The following TLN2 variants were observed in gnomAD, a reference collection of about 807,000 sequenced individuals.
TLN2 encodes talin 2.
A neutral mutation model predicts 294.7 loss-of-function variants in TLN2; 118 were observed. That is an observed-to-expected ratio of 0.40 (90% CI 0.34 to 0.47). The LOEUF (loss-of-function observed/expected upper bound fraction) is 0.47. Among genes scored for constraint, TLN2 ranks in the 20% least tolerant of loss-of-function variants. The pLI is 0.84. For synonymous variants in TLN2, 1,431 were observed against 1,304.5 expected, an observed-to-expected ratio of 1.10 and a Z score of -2.09; for missense variants, 3,083 against 3,282.2, an observed-to-expected ratio of 0.94 and a Z score of 1.48.
chr15:62,545,736 T>C (rs2041961451), intron 1 of TLN2, among the ~76,000 whole-genome samples: 1 of 152,152 alleles, frequency 6.6e-6, no homozygotes, highest in African/African-American at 2.4e-5. Flanking sequence ...TTTGGTAATC[T>C]CAGAACTCAG....
chr15:62,661,162 G>A (rs944567682), intron 9 of TLN2, among the ~76,000 whole-genome samples: 1 of 152,110 alleles, frequency 6.6e-6, no homozygotes, highest in African/African-American at 2.4e-5. Flanking sequence ...CAGAGTAAAA[G>A]CCTTCTATAT....
In TLN2 at chr15:62,575,458, A is replaced by G. The variant is rs185363250; in HGVS notation, c.-237-14229A>G. Among the ~76,000 whole-genome samples, 5 of 152,358 alleles carry G rather than the reference A, an allele frequency of 3.3e-5. No individual in the cohort carries two copies. The South Asian group carries it at 6.2e-4, about 19-fold the overall frequency. ...GTGTAAATCACTTTGTCCAATTGCT[A>G]TATAGAATTTTCTAAGTGTTTACTC... On this transcript the variant is annotated intron_variant, in intron 1 of 58. Transcript: ENST00000636159.
chr15:62,660,267 C>T (rs915415296), intron 9 of TLN2, among the ~76,000 whole-genome samples: 10 of 152,188 alleles, frequency 6.6e-5, no homozygotes, highest in African/African-American at 2.4e-4. Context: ...TCTTCAGACT[C>T]TCCAGTGATT....
At chr15:62,410,814 A>G (rs899158482) in intron 1 of TLN2, among the ~76,000 whole-genome samples, 2 of 152,238 alleles carry the variant, frequency 1.3e-5, no homozygotes, top group African/African-American at 4.8e-5. Flanking sequence ...GGCTTGTTCA[A>G]GTACGGTGAT....
chr15:62,590,164 T>A (rs890056179), intron 2 of TLN2, among the ~76,000 whole-genome samples: 13 of 152,158 alleles, frequency 8.5e-5, no homozygotes, highest in East Asian at 1.9e-4. Flanking sequence ...GTCTTTTTTT[T>A]AATTTTTATT....
chr15:62,397,268 A>G (rs967057648), intron 1 of TLN2, among the ~76,000 whole-genome samples: 2 of 152,032 alleles, frequency 1.3e-5, no homozygotes, highest in South Asian at 4.1e-4. Flanking sequence ...TTATCTGAAT[A>G]ATATTTTTAG....
intron 7 of TLN2, among the ~76,000 whole-genome samples, chr15:62,654,647 C>T (rs1022687328): frequency 4.2e-5 from 6 of 143,680 alleles, no homozygotes; most frequent in Admixed American, 7.4e-5. Context: ...CCCAACTATG[C>T]GGGAGACTGA....
intron 1 of TLN2, among the ~76,000 whole-genome samples, chr15:62,567,506 A>T (rs1022753250): frequency 6.6e-6 from 1 of 152,142 alleles, no homozygotes; most frequent in African/African-American, 2.4e-5. Flanking sequence ...TATCCAGACA[A>T]AGCCTCCCCC....
chr15:62,414,061 G>T (rs1795027090), intron 1 of TLN2, among the ~76,000 whole-genome samples: 1 of 132,360 alleles, frequency 7.6e-6, no homozygotes, highest in African/African-American at 2.7e-5. Context: ...ACTGAATTTT[G>T]GTGTCTTTCC....
chr15:62,451,480 A>G (rs2036145001), intron 1 of TLN2, among the ~76,000 whole-genome samples: 1 of 151,934 alleles, frequency 6.6e-6, no homozygotes, highest in Non-Finnish European at 1.5e-5. Context: ...CATGGGTGAA[A>G]CCCCGTCTCT....
chr15:62,825,847 A>AC (rs2068121639), intron 54 of TLN2, among the ~76,000 whole-genome samples: 4 of 81,586 alleles, frequency 4.9e-5, no homozygotes, highest in Non-Finnish European at 8.1e-5. Context: ...ATATATATAA[A>AC]TATATTATAT....
intron 1 of TLN2, among the ~76,000 whole-genome samples, chr15:62,506,636 G>A (rs1181007883): frequency 6.6e-6 from 1 of 152,220 alleles, no homozygotes; most frequent in African/African-American, 2.4e-5. Flanking sequence ...TTTGAAACAA[G>A]CAACATTGTC....
At chr15:62,593,927 A>G (rs150342688) in intron 2 of TLN2, among the ~76,000 whole-genome samples, 1 of 152,358 alleles carries the variant, frequency 6.6e-6, no homozygotes, top group Admixed American at 6.5e-5. Context: ...GATCTTATGG[A>G]GGATCTTTTA....
chr15:62,435,373 A>G (rs2035235968), intron 1 of TLN2, among the ~76,000 whole-genome samples: 2 of 152,304 alleles, frequency 1.3e-5, no homozygotes, highest in South Asian at 2.1e-4. Context: ...ACTAATTTAC[A>G]CTACCACCAA....
chr15:62,514,932 A>G (rs1036096756), intron 1 of TLN2, among the ~76,000 whole-genome samples: 1 of 152,188 alleles, frequency 6.6e-6, no homozygotes, highest in Non-Finnish European at 1.5e-5. Flanking sequence ...CACTTACACC[A>G]AGGAGAGCGG....
At chr15:62,770,913 A>T (rs769830928) in intron 41 of TLN2, 51 bp from the exon 42 acceptor site, 78 of 1,561,128 alleles carry the variant, frequency 5.0e-5, no homozygotes, top group Non-Finnish European at 6.6e-5. Context: ...CCTGAAGGAG[A>T]CACGTGTATT....
intron 21 of TLN2, among the ~76,000 whole-genome samples, chr15:62,710,263 G>C (rs1307479031): frequency 6.6e-6 from 1 of 152,136 alleles, no homozygotes; most frequent in Admixed American, 6.5e-5. Context: ...GGGCCAGTAG[G>C]TAGATTTTTA....
intron 1 of TLN2, among the ~76,000 whole-genome samples, chr15:62,531,782 C>G (rs1378222736): frequency 6.6e-6 from 1 of 152,138 alleles, no homozygotes; most frequent in African/African-American, 2.4e-5. Flanking sequence ...CCCACTGAAC[C>G]TGAAAACATG....
chr15:62,597,761 G>A (rs190373185), intron 2 of TLN2, among the ~76,000 whole-genome samples: 181 of 152,274 alleles, frequency 1.2e-3, no homozygotes, highest in Non-Finnish European at 2.1e-3. Context: ...TTTGGGATGG[G>A]ACCCAAGTCT....
Sources: gnomAD v4.1 joint callset for allele counts (sites outside exome capture counted in the v4.1 genomes callset) on GRCh38, gnomAD v4.1.1 for gene constraint, MANE v1.5 for transcripts, NCBI Gene and HGNC (gene_info 2026-07-23, HGNC 2026-07-21) for gene names.